Variants in CTNNA3 observed in about 807,000 individuals in gnomAD.
CTNNA3 encodes the protein catenin alpha-3.
A neutral mutation model predicts 95.7 loss-of-function variants in CTNNA3; 76 were observed. That is an observed-to-expected ratio of 0.79 (90% CI 0.66 to 0.96). The LOEUF is 0.96. Among genes scored for constraint, CTNNA3 ranks in the 40% least tolerant of loss-of-function variants. The pLI is 0.00. For missense variants in CTNNA3, 1,191 were observed against 1,089.8 expected (o/e 1.09, Z -1.31); for synonymous variants, 431 against 374.4 (o/e 1.15, Z -1.74).
In CTNNA3 at chr10:66,564,759, A is replaced by G. The variant is rs187405583; in HGVS notation, c.1375-43986T>C. 8.0e-4 allele frequency among the ~76,000 whole-genome samples: 122 copies of G among 152,330 alleles called. 1 individual carries two copies. Among genetic ancestry groups the G allele is most frequent in the African/African-American group, 2.9e-3 (119 of 41,582 alleles). On this transcript the variant is annotated intron_variant, in intron 10 of 17. Coordinates refer to ENST00000433211, the MANE Select transcript of CTNNA3 (RefSeq NM_013266.4). ...AAGGGACAAGGAAGAGAACTAACAT[A>G]TAATACTGAGCTTGAATTATTTGAG...
intron 13 of CTNNA3, among the ~76,000 whole-genome samples, chr10:66,160,950 T>G (rs2084811383): frequency 6.6e-6 from 1 of 152,180 alleles, no homozygotes; most frequent in African/African-American, 2.4e-5. Context: ...TTTGTCTCTT[T>G]TAACTGCTGT....
intron 7 of CTNNA3, among the ~76,000 whole-genome samples, chr10:66,971,647 G>A (rs185527773): frequency 5.3e-5 from 8 of 152,186 alleles, no homozygotes; most frequent in Admixed American, 1.3e-4. Flanking sequence ...CTCAATAAAT[G>A]ACAAATGTCA....
In CTNNA3 at chr10:67,126,412, A is replaced by AGCACGC. The variant is rs534868006; in HGVS notation, c.1047+53904_1047+53905insGCGTGC. On this transcript the variant is annotated intron_variant, in intron 7 of 17. Coordinates refer to ENST00000433211, the MANE Select transcript of CTNNA3 (RefSeq NM_013266.4). The stretch of plus-strand genomic sequence containing the variant: ...CGTGGCGGCGCGTGCCTGTAATCCC[A>AGCACGC]GCTACTCGGGAGACTGAGGCGGGAG... Among the ~76,000 whole-genome samples, 808 of 152,290 alleles carry AGCACGC rather than the reference A, an allele frequency of 5.3e-3. 7 individuals carry two copies. Among genetic ancestry groups the AGCACGC allele is most frequent in the Middle Eastern group, 0.014 (4 of 294 alleles).
At chr10:66,761,519 G>A (rs945872372) in intron 9 of CTNNA3, among the ~76,000 whole-genome samples, 12 of 151,990 alleles carry the variant, frequency 7.9e-5, no homozygotes, top group South Asian at 2.1e-4. Context: ...CACTGTTTTC[G>A]TTGGTAGTGA....
At chr10:65,935,948 G>C (rs1489408793) in intron 17 of CTNNA3, among the ~76,000 whole-genome samples, 1 of 152,080 alleles carries the variant, frequency 6.6e-6, no homozygotes, top group Admixed American at 6.6e-5. Flanking sequence ...ATGGTCTGTG[G>C]AATAGACAGT....
intron 7 of CTNNA3, among the ~76,000 whole-genome samples, chr10:67,021,908 T>C (rs1171434380): frequency 6.6e-6 from 1 of 152,158 alleles, no homozygotes; most frequent in Non-Finnish European, 1.5e-5. Flanking sequence ...GATGCAGACT[T>C]AGAGGCTGAG....
chr10:66,946,812 A>G (rs1307126157), intron 7 of CTNNA3, among the ~76,000 whole-genome samples: 1 of 152,048 alleles, frequency 6.6e-6, no homozygotes, highest in Non-Finnish European at 1.5e-5. Flanking sequence ...TATTCAAATG[A>G]TGGATCTACG....
intron 7 of CTNNA3, among the ~76,000 whole-genome samples, chr10:67,081,332 G>A (rs1430430151): frequency 1.3e-5 from 2 of 152,124 alleles, no homozygotes; most frequent in African/African-American, 4.8e-5. Context: ...AAGGACATGA[G>A]GAGTTTTTCA....
chr10:67,159,520 A>G lies in CTNNA3; in HGVS notation c.1047+20797T>C, dbSNP rs572759200. Among the ~76,000 whole-genome samples the G allele has an allele frequency of 3.9e-5, 6 of 152,336 alleles. No individual in the cohort carries two copies. The East Asian group carries it at 1.2e-3, about 29-fold the overall frequency. ...ATAGAGAGCCCAGAAATGAAACCACATGTTATTTATCAATTAAAAATGAAA... is the reference window on the plus strand; with the variant it reads ...ATAGAGAGCCCAGAAATGAAACCACGTGTTATTTATCAATTAAAAATGAAA... On this transcript the variant is annotated intron_variant, in intron 7 of 17. Transcript: ENST00000433211.
At chr10:67,649,695 T>C (rs1284883720) in intron 1 of CTNNA3, among the ~76,000 whole-genome samples, 2 of 152,206 alleles carry the variant, frequency 1.3e-5, no homozygotes, top group Non-Finnish European at 1.5e-5. Flanking sequence ...AGGGCTATCA[T>C]AGGCAGAAAA....
At chr10:67,000,882 A>G (rs993174113) in intron 7 of CTNNA3, among the ~76,000 whole-genome samples, 1 of 152,196 alleles carries the variant, frequency 6.6e-6, no homozygotes, top group Admixed American at 6.6e-5. Context: ...TCAATTACTC[A>G]TGAACAACAG....
intron 7 of CTNNA3, among the ~76,000 whole-genome samples, chr10:66,943,658 C>CT (rs1319922446): frequency 1.3e-5 from 2 of 152,028 alleles, no homozygotes; most frequent in African/African-American, 4.8e-5. Flanking sequence ...AAACATGCTA[C>CT]TTAAACATAG....
chr10:67,761,120 T>C (rs1045570722), intron 1 of CTNNA3, among the ~76,000 whole-genome samples: 6 of 152,162 alleles, frequency 3.9e-5, no homozygotes, highest in African/African-American at 1.4e-4. Flanking sequence ...TGTAACACAA[T>C]AGTGTTTGTG....
chr10:67,062,553 C>G (rs562960343), intron 7 of CTNNA3, among the ~76,000 whole-genome samples: 1 of 151,508 alleles, frequency 6.6e-6, no homozygotes, highest in East Asian at 2.0e-4. Flanking sequence ...AGATATGGGG[C>G]ATTAAGGCAG....
intron 7 of CTNNA3, among the ~76,000 whole-genome samples, chr10:67,034,497 C>T (rs1184411516): frequency 1.3e-5 from 2 of 152,154 alleles, no homozygotes; most frequent in Non-Finnish European, 2.9e-5. Flanking sequence ...TTAGGCTCTC[C>T]CTTTCTGGTT....
At chr10:66,589,069 A>T (rs1589458575) in intron 10 of CTNNA3, among the ~76,000 whole-genome samples, 1 of 152,216 alleles carries the variant, frequency 6.6e-6, no homozygotes, top group South Asian at 2.1e-4. Flanking sequence ...TGACAGCTCA[A>T]CAATGTCATT....
chr10:67,140,096 A>T (rs575400161), intron 7 of CTNNA3, among the ~76,000 whole-genome samples: 2 of 151,274 alleles, frequency 1.3e-5, no homozygotes, highest in African/African-American at 4.9e-5. Context: ...GGGATGTTTT[A>T]TTTCTTACCT....
intron 6 of CTNNA3, among the ~76,000 whole-genome samples, chr10:67,195,211 C>T (rs2132188036): frequency 6.6e-6 from 1 of 152,048 alleles, no homozygotes; most frequent in East Asian, 1.9e-4. Context: ...ATTCATAATG[C>T]TACTCAAAAG....
chr10:66,543,443 A>T (rs1422598397), intron 10 of CTNNA3, among the ~76,000 whole-genome samples: 1 of 152,168 alleles, frequency 6.6e-6, no homozygotes, highest in African/African-American at 2.4e-5. Flanking sequence ...TACATTAAAC[A>T]ATATTTAATA....
Sources: gnomAD v4.1 joint callset for allele counts (sites outside exome capture counted in the v4.1 genomes callset) on GRCh38, gnomAD v4.1.1 for gene constraint, MANE v1.5 for transcripts, NCBI Gene and HGNC (gene_info 2026-07-23, HGNC 2026-07-21) for gene names.